The following UMODL1 variants were observed in gnomAD, a reference collection of about 807,000 sequenced individuals.
The protein encoded by UMODL1 is uromodulin-like 1.
In UMODL1, 128 loss-of-function variants were observed where a neutral mutation model predicts 136.3. That is an observed-to-expected ratio of 0.94 (90% CI 0.81 to 1.09). The LOEUF is 1.09. Among genes scored for constraint, UMODL1 ranks in the 50% least tolerant of loss-of-function variants. UMODL1 has a pLI of 0.00. For missense variants in UMODL1, 1,766 were observed against 1,725.6 expected (o/e 1.02, Z -0.41); for synonymous variants, 721 against 720.0 (o/e 1.00, Z -0.02).
Position 42,113,587 on chromosome 21 carries a change from G to T in UMODL1, c.2119G>T (p.Gly707Trp), listed in dbSNP as rs746211302. 3.1e-6 allele frequency: 5 copies of T among 1,613,414 alleles called. No individual in the cohort carries two copies. Among genetic ancestry groups the T allele is most frequent in the Non-Finnish European group, 3.4e-6 (4 of 1,179,614 alleles). ...KTPACVPVSI[G>W]RIMVSNVTST... is the part of the protein sequence containing the mutation. ...CCACTTCCCAGTTCCTGTCTCCATT[G>T]GGAGGATCATGGTCTCCAATGTGAC... The change falls in exon 13 of 23, where the codon GGG (glycine) becomes TGG (tryptophan). Residue 707 changes from glycine (G) to tryptophan (W), a missense_variant. Coordinates refer to ENST00000408910, the MANE Select transcript of UMODL1 (RefSeq NM_001004416.3).
At chr21:42,074,648 T>C (rs1003883645) in intron 1 of UMODL1, among the ~76,000 whole-genome samples, 6 of 152,270 alleles carry the variant, frequency 3.9e-5, no homozygotes, top group Admixed American at 2.0e-4. Context: ...TGGGGCCCAA[T>C]AGGGTAAACC....
chr21:42,065,731 A>G (rs1249621362), intron 1 of UMODL1, among the ~76,000 whole-genome samples: 1 of 151,868 alleles, frequency 6.6e-6, no homozygotes, highest in African/African-American at 2.4e-5. Context: ...AGGGGGTTTC[A>G]CCATGTTGGC....
At chr21:42,097,838 C>T (rs1467932893) in intron 6 of UMODL1, among the ~76,000 whole-genome samples, 2 of 152,108 alleles carry the variant, frequency 1.3e-5, no homozygotes, top group Admixed American at 6.5e-5. Context: ...AAAAGAGCTT[C>T]GATGCTATTT....
chr21:42,085,563 T>G lies in UMODL1; in HGVS notation c.603+151T>G. On this transcript the variant is annotated intron_variant, in intron 4 of 22. Transcript: ENST00000408910. This position sits in a 1 kb window ranked among gnomAD's most constrained non-coding sequence, Gnocchi z 4.5. ...GACTGACTCTGAACGAAATTCTAGT[T>G]CTTAAAAAATCAGCTTCAAAGAGGT... 8.3e-7 allele frequency: 1 copy of G among 1,198,118 alleles called. No homozygotes were observed. Among genetic ancestry groups the G allele is most frequent in the Non-Finnish European group, 1.2e-6 (1 of 852,224 alleles). The allele number at this position is 1,198,118 out of a possible 1,614,324, so 74.2% of individuals were successfully genotyped here.
rs368097125 is a variant in UMODL1, at chr21:42,063,682, C to T, written c.-141+468C>T. Among the ~76,000 whole-genome samples, 51 of 152,190 alleles carry T rather than the reference C, an allele frequency of 3.4e-4. 2 individuals are homozygous for T. The highest frequency in any genetic ancestry group is 1.9e-4 in the East Asian group (1 of 5,200). ...CCTCTAAGACTCTGGGACTGGTGCACGCAAGGAGCTATCGTGAACATTGCT... is the reference window on the plus strand; with the variant it reads ...CCTCTAAGACTCTGGGACTGGTGCATGCAAGGAGCTATCGTGAACATTGCT... On this transcript the variant is annotated intron_variant, in intron 1 of 22. Transcript: ENST00000400424.
intron 2 of UMODL1, among the ~76,000 whole-genome samples, chr21:42,082,681 G>A (rs569570110): frequency 2.6e-5 from 4 of 152,214 alleles, no homozygotes; most frequent in Non-Finnish European, 4.4e-5. Context: ...GCTTCCTTCC[G>A]TCCTGGGAGA....
intron 6 of UMODL1, among the ~76,000 whole-genome samples, chr21:42,096,667 G>A (rs1005335214): frequency 1.3e-5 from 2 of 152,204 alleles, no homozygotes; most frequent in African/African-American, 4.8e-5. Context: ...TTTGATATCT[G>A]AATGGCAACA....
chr21:42,088,170 T>G (rs888523309), intron 4 of UMODL1, 124 bp from the exon 5 acceptor site: 13 of 1,023,046 alleles, frequency 1.3e-5, no homozygotes, highest in Non-Finnish European at 1.8e-5. Flanking sequence ...GTAGAGGTTC[T>G]TTGCTGAAGA....
At chr21:42,119,354 G>A (rs374700590) in intron 15 of UMODL1, 30 bp downstream of exon 15, 26 of 1,592,830 alleles carry the variant, frequency 1.6e-5, no homozygotes, top group South Asian at 6.7e-5. Context: ...AGCCTCTCCC[G>A]TGTTCTGGAA....
intron 8 of UMODL1, 188 bp from the exon 9 acceptor site, chr21:42,103,680 G>A: frequency 1.3e-6 from 1 of 746,550 alleles, no homozygotes; most frequent in Non-Finnish European, 2.4e-6. Flanking sequence ...GGCCGTCCCA[G>A]GGAAAGCCCA....
intron 6 of UMODL1, among the ~76,000 whole-genome samples, chr21:42,095,275 TG>T (rs1370902924): frequency 6.6e-6 from 1 of 151,774 alleles, no homozygotes; most frequent in Non-Finnish European, 1.5e-5. Context: ...TTGTGTTTTT[TG>T]TAAAGATAGG....
rs575642338 is a variant in UMODL1 at position 42,085,866 on chromosome 21, G to T, written c.603+454G>T. The stretch of plus-strand genomic sequence containing the variant: ...GCCCAGGGCTGGAGAGCACCCTGGG[G>T]TCTGATGGTTAGCAGCGCCCCTGGC... On this transcript the variant is annotated intron_variant, in intron 4 of 22. Coordinates refer to ENST00000408910, the MANE Select transcript of UMODL1 (RefSeq NM_001004416.3). The surrounding 1 kb of genome is among the most constrained non-coding windows in gnomAD (Gnocchi z 4.5). Among the ~76,000 whole-genome samples, 1 of 152,172 alleles carries T rather than the reference G, an allele frequency of 6.6e-6. No individual in the cohort carries two copies. The highest frequency in any genetic ancestry group is 2.4e-5 in the African/African-American group (1 of 41,434).
intron 6 of UMODL1, among the ~76,000 whole-genome samples, chr21:42,094,675 G>A (rs574528187): frequency 2.6e-5 from 4 of 152,252 alleles, no homozygotes; most frequent in Admixed American, 2.0e-4. Flanking sequence ...AGAGGAGTCG[G>A]GGGTAGAAGG....
chr21:42,131,027 A>G (rs1252184353), intron 21 of UMODL1, among the ~76,000 whole-genome samples: 1 of 151,978 alleles, frequency 6.6e-6, no homozygotes, highest in Non-Finnish European at 1.5e-5. Context: ...GTTAGCCAGG[A>G]TGGTCTCGAT....
chr21:42,076,061 G>A lies in UMODL1; in HGVS notation c.133G>A (p.Val45Ile). 6.2e-7 allele frequency: 1 copy of A among 1,614,274 alleles called. No individual in the cohort carries two copies. Among genetic ancestry groups the A allele is most frequent in the Non-Finnish European group, 8.5e-7 (1 of 1,180,048 alleles). ...ATGCAGCCACCGTGTGACCCACACTGTACAGAAGGTGGAGGCCGTGCAGAC... is the reference window on the plus strand; with the variant it reads ...ATGCAGCCACCGTGTGACCCACACTATACAGAAGGTGGAGGCCGTGCAGAC... Reference protein sequence around the residue: ...QLCSHRVTHTVQKVEAVQTSY... With the variant: ...QLCSHRVTHTIQKVEAVQTSY... Residue 45 changes from valine to isoleucine, a missense_variant, in exon 2 of 23, where the codon GTA becomes ATA. Transcript: ENST00000408910.
In UMODL1 at chr21:42,123,388, G is replaced by T. The variant is rs2067006539; in HGVS notation, c.3147+238G>T. Among the ~76,000 whole-genome samples the T allele has an allele frequency of 6.6e-6, 1 of 152,218 alleles. No homozygotes were observed. Among genetic ancestry groups the T allele is most frequent in the Non-Finnish European group, 1.5e-5 (1 of 68,044 alleles). On this transcript the variant is annotated intron_variant, in intron 17 of 22. Coordinates refer to ENST00000408910, the MANE Select transcript of UMODL1 (RefSeq NM_001004416.3). This position sits in a 1 kb window ranked among gnomAD's most constrained non-coding sequence, Gnocchi z 4.4. ...GCAGAGTGCTGGGGCAGGCTTCAGA[G>T]TCACGGCTTAAAACTCCTCCCTGCA...
At position 42,119,200 on chromosome 21, in the gene UMODL1, C is replaced by T. The variant is rs368848675; in HGVS notation, c.2565C>T (p.Ile855=). Residue 855 remains isoleucine, a synonymous_variant, in exon 15 of 23, where the codon ATC becomes ATT. Coordinates refer to ENST00000408910, the MANE Select transcript of UMODL1 (RefSeq NM_001004416.3). The part of the protein sequence containing the change: ...MEVVSVTNGS[I]VVEFHLLIIA... Reference sequence around the variant, plus strand: ...TCGTCAGCGTCACCAACGGCAGCATCGTGGTGGAGTTTCACTTGCTGATAA... The same window carrying T: ...TCGTCAGCGTCACCAACGGCAGCATTGTGGTGGAGTTTCACTTGCTGATAA... 9.2e-5 allele frequency: 149 copies of T among 1,614,208 alleles called. No individual in the cohort carries two copies. Among genetic ancestry groups the T allele is most frequent in the Admixed American group, 3.8e-4 (23 of 60,032 alleles).
chr21:42,063,423 C>G (rs952563688), intron 1 of UMODL1, among the ~76,000 whole-genome samples: 7 of 152,238 alleles, frequency 4.6e-5, no homozygotes, highest in Non-Finnish European at 8.8e-5. Flanking sequence ...GTCCCCCAAA[C>G]AGATTCTAAG....
At chr21:42,104,655 G>A (rs2066690148) in intron 9 of UMODL1, among the ~76,000 whole-genome samples, 1 of 152,094 alleles carries the variant, frequency 6.6e-6, no homozygotes, top group Non-Finnish European at 1.5e-5. Flanking sequence ...TCACCGTGTT[G>A]GTCAGGCTGG....
Sources: gnomAD v4.1 joint callset for allele counts (sites outside exome capture counted in the v4.1 genomes callset) on GRCh38, gnomAD v4.1.1 for gene constraint, Gnocchi (gnomAD v3.1) non-coding constraint, MANE v1.5 for transcripts, NCBI Gene and HGNC (gene_info 2026-07-23, HGNC 2026-07-21) for gene names.